CAMTA1: variants seen among roughly 807,000 people sequenced by gnomAD.
The protein encoded by CAMTA1 is calmodulin binding transcription activator 1, also known as calmodulin-binding transcription activator 1.
In CAMTA1, 27 loss-of-function variants were observed where a neutral mutation model predicts 170.9. The ratio of observed to expected loss-of-function variants is 0.16; its 90% CI spans 0.12 to 0.22. The LOEUF is 0.22. Among genes scored for constraint, CAMTA1 ranks in the 10% least tolerant of loss-of-function variants. The pLI is 1.00. For synonymous variants in CAMTA1, 833 were observed against 891.5 expected (o/e 0.93, Z 1.17); for missense variants, 1,619 against 2,217.2 (o/e 0.73, Z 5.42).
chr1:7,743,039 G>A (rs2096829664), intron 16 of CAMTA1, among the ~76,000 whole-genome samples: 1 of 152,184 alleles, frequency 6.6e-6, no homozygotes, highest in African/African-American at 2.4e-5. Context: ...TTTGGGTAGA[G>A]ACAGGGTTTC....
At chr1:6,884,833 T>C (rs906396342) in intron 3 of CAMTA1, among the ~76,000 whole-genome samples, 1 of 152,240 alleles carries the variant, frequency 6.6e-6, no homozygotes, top group Admixed American at 6.5e-5. Context: ...GGAAATCTCC[T>C]AGGAGCATGT....
chr1:7,316,395 CAT>C (rs1677509493), intron 5 of CAMTA1, among the ~76,000 whole-genome samples: 2 of 152,136 alleles, frequency 1.3e-5, no homozygotes, highest in African/African-American at 4.8e-5. Context: ...TCTGGGTGAA[CAT>C]AGATTTTGGA....
At chr1:7,120,834 A>C (rs1458556912) in intron 4 of CAMTA1, among the ~76,000 whole-genome samples, 2 of 152,212 alleles carry the variant, frequency 1.3e-5, no homozygotes, top group Non-Finnish European at 2.9e-5. Context: ...TACAGTTTTC[A>C]TTGTCTGCTA....
intron 1 of CAMTA1, among the ~76,000 whole-genome samples, chr1:6,792,437 T>C (rs1190591146): frequency 6.6e-6 from 1 of 151,862 alleles, no homozygotes. Context: ...TAGAAGGTCA[T>C]GGGCCTCCTG....
intron 6 of CAMTA1, among the ~76,000 whole-genome samples, chr1:7,522,839 T>G (rs1005939299): frequency 6.6e-6 from 1 of 152,210 alleles, no homozygotes; most frequent in Non-Finnish European, 1.5e-5. Context: ...GGGCTATTTC[T>G]GGGTTCTGTA....
At chr1:7,640,899 T>C (rs1270643281) in intron 7 of CAMTA1, among the ~76,000 whole-genome samples, 1 of 151,930 alleles carries the variant, frequency 6.6e-6, no homozygotes, top group Non-Finnish European at 1.5e-5. Context: ...AGGGAAAGTA[T>C]GGAACAGGGG....
chr1:7,631,256 G>C (rs2148859262), intron 6 of CAMTA1, among the ~76,000 whole-genome samples: 1 of 152,266 alleles, frequency 6.6e-6, no homozygotes, highest in Non-Finnish European at 1.5e-5. Context: ...ACCTACTTTT[G>C]CTCTGGCATA....
intron 4 of CAMTA1, among the ~76,000 whole-genome samples, chr1:7,156,272 C>T (rs539444578): frequency 1.5e-5 from 2 of 133,058 alleles, no homozygotes; most frequent in African/African-American, 6.0e-5. Context: ...GAAAACTCCA[C>T]CTCAAAAAAA....
At chr1:7,761,293 C>T (rs894406469) in intron 22 of CAMTA1, among the ~76,000 whole-genome samples, 2 of 152,136 alleles carry the variant, frequency 1.3e-5, no homozygotes, top group Non-Finnish European at 2.9e-5. Context: ...GAAATGTGGC[C>T]GCACAGCTCT....
At position 7,680,793 on chromosome 1, in the gene CAMTA1, T is replaced by G. The variant is rs80248710; in HGVS notation, c.2914+3060T>G. ...CATTTGATCTAAAACATGAATTTGTTTGCTTGGCTAAAGGCCGGGGGGGGG... is the reference window on the plus strand; with the variant it reads ...CATTTGATCTAAAACATGAATTTGTGTGCTTGGCTAAAGGCCGGGGGGGGG... On this transcript the variant is annotated intron_variant, in intron 11 of 22. Coordinates refer to ENST00000303635, the MANE Select transcript of CAMTA1 (RefSeq NM_015215.4). This position sits in a 1 kb window ranked among gnomAD's most constrained non-coding sequence, Gnocchi z 4.4. Among the ~76,000 whole-genome samples the G allele has an allele frequency of 0.013, 1,783 of 132,898 alleles. 37 individuals carry two copies. Among genetic ancestry groups the G allele is most frequent in the African/African-American group, 0.046 (1,673 of 36,100 alleles). The allele number at this position is 132,898 out of a possible 152,430, so 87.2% of individuals were successfully genotyped here. A position where few individuals can be genotyped will look rare whatever the true frequency, so the allele number is the denominator to read the frequency against.
At chr1:7,168,960 G>A (rs953713677) in intron 4 of CAMTA1, among the ~76,000 whole-genome samples, 7 of 152,080 alleles carry the variant, frequency 4.6e-5, no homozygotes, top group Non-Finnish European at 1.0e-4. Context: ...GATCAAGGAA[G>A]GTTTCTTCTA....
At chr1:7,669,871 C>T (rs2096040959) in intron 9 of CAMTA1, among the ~76,000 whole-genome samples, 2 of 152,234 alleles carry the variant, frequency 1.3e-5, no homozygotes, top group African/African-American at 4.8e-5. Flanking sequence ...TAGGGGACCT[C>T]CAAGGTGCCG....
chr1:7,692,373 C>G (rs1305703559), intron 11 of CAMTA1, among the ~76,000 whole-genome samples: 4 of 152,042 alleles, frequency 2.6e-5, no homozygotes, highest in African/African-American at 9.7e-5. Context: ...CTCTAGGCCT[C>G]AGAGAGGGAG....
intron 21 of CAMTA1, among the ~76,000 whole-genome samples, chr1:7,755,242 TC>T (rs1456295114): frequency 6.9e-6 from 1 of 144,050 alleles, no homozygotes; most frequent in Non-Finnish European, 1.5e-5. Context: ...CAGGAGAATC[TC>T]TTGAACCTGG....
Position 7,557,373 on chromosome 1 carries a change from G to C in CAMTA1, c.511-83027G>C, listed in dbSNP as rs78385423. Among the ~76,000 whole-genome samples the C allele has an allele frequency of 1.1e-4, 17 of 151,234 alleles. No homozygotes were observed. In the East Asian group the frequency reaches 2.1e-3, roughly 19 times the overall value. On this transcript the variant is annotated intron_variant, in intron 6 of 22. Coordinates refer to ENST00000303635, the MANE Select transcript of CAMTA1 (RefSeq NM_015215.4). ...CTAACAGCAGGAGTGTCCAGAGCCC[G>C]GCCAAGCGGACAGACCAGCTCTCTC... is the stretch of plus-strand genomic sequence containing the variant.
intron 4 of CAMTA1, among the ~76,000 whole-genome samples, chr1:7,103,562 CACACA>C (rs146942564): frequency 0.39 from 51,366 of 131,894 alleles, 9,466 homozygotes; most frequent in Middle Eastern, 0.55. Flanking sequence ...TACACACATA[CACACA>C]ACACAACTAC....
rs775395146 is a variant in CAMTA1, at chr1:7,467,817, CCT to C, written c.439-7_439-6del. ...TCTTTCCAACTGAATTCTCGTTTTT[CCT>C]CTCTCCCTAGTGCTTGTACGGCTGC... On this transcript the variant is annotated splice_polypyrimidine_tract_variant and intron_variant, in intron 5 of 22. Transcript: ENST00000303635. 2 of 1,609,134 alleles carry C rather than the reference CCT, an allele frequency of 1.2e-6. No individual in the cohort carries two copies. Among genetic ancestry groups the C allele is most frequent in the Non-Finnish European group, 8.5e-7 (1 of 1,175,458 alleles).
chr1:7,683,063 T>C (rs1419387311), intron 11 of CAMTA1, among the ~76,000 whole-genome samples: 1 of 151,678 alleles, frequency 6.6e-6, no homozygotes, highest in African/African-American at 2.4e-5. Flanking sequence ...TTGTCCCAGC[T>C]ACTCGGGAGG....
intron 5 of CAMTA1, among the ~76,000 whole-genome samples, chr1:7,450,576 C>T (rs533849206): frequency 1.2e-4 from 18 of 152,328 alleles, no homozygotes; most frequent in African/African-American, 3.4e-4. Flanking sequence ...GCTGCAGGCC[C>T]CACCGCCTGC....
Sources: gnomAD v4.1 joint callset for allele counts (sites outside exome capture counted in the v4.1 genomes callset) on GRCh38, gnomAD v4.1.1 for gene constraint, Gnocchi (gnomAD v3.1) non-coding constraint, MANE v1.5 for transcripts, NCBI Gene and HGNC (gene_info 2026-07-23, HGNC 2026-07-21) for gene names.